The following APOH variants were observed in gnomAD, a reference collection of about 807,000 sequenced individuals.
APOH encodes beta-2-glycoprotein 1.
A neutral mutation model predicts 39.8 loss-of-function variants in APOH; 48 were observed. The observed-to-expected ratio is 1.21, with a 90% CI of 0.96 to 1.54. The LOEUF (loss-of-function observed/expected upper bound fraction) is 1.54. Ranked by LOEUF, APOH falls within the 40% of genes most tolerant of loss-of-function variation. The pLI, the probability that APOH is intolerant of heterozygous loss-of-function variation, is 0.00. For synonymous variants in APOH, 153 were observed against 151.1 expected, an observed-to-expected ratio of 1.01 and a Z score of -0.09; for missense variants, 415 against 421.2, an observed-to-expected ratio of 0.99 and a Z score of 0.13.
chr17:66,214,923 G>GA (rs11322858), intron 6 of APOH, among the ~76,000 whole-genome samples: 251 of 133,174 alleles, frequency 1.9e-3, no homozygotes, highest in African/African-American at 5.2e-3. Context: ...CCATTTCAGT[G>GA]AAAAAAAAAA....
At chr17:66,220,940 C>T (rs544941096) in intron 4 of APOH, among the ~76,000 whole-genome samples, 198 bp from the exon 5 acceptor site, 1 of 152,172 alleles carries the variant, frequency 6.6e-6, no homozygotes, top group Admixed American at 6.5e-5. Flanking sequence ...CGCCTGTAAT[C>T]CCAACACTTT....
intron 6 of APOH, among the ~76,000 whole-genome samples, chr17:66,214,872 T>C (rs1251953558): frequency 6.7e-6 from 1 of 148,522 alleles, no homozygotes; most frequent in Non-Finnish European, 1.5e-5. Context: ...TCTCTTCCCC[T>C]ACAGTAGCCA....
In APOH at chr17:66,216,788, C is replaced by T; in HGVS notation, c.784G>A (p.Ala262Thr). 6.3e-7 allele frequency: 1 copy of T among 1,594,434 alleles called. No individual in the cohort carries two copies. Among genetic ancestry groups the T allele is most frequent in the Non-Finnish European group, 8.5e-7 (1 of 1,171,708 alleles). ...CAGGACCTCGCCTATATTTCCATACCTTTACAACTTGGCATGGCAGACCAG... is the reference window on the plus strand; with the variant it reads ...CAGGACCTCGCCTATATTTCCATACTTTTACAACTTGGCATGGCAGACCAG... ...GNWSAMPSCK[A>T]SCKVPVKKAT... is the part of the protein sequence containing the mutation. Residue 262 changes from alanine to threonine, a missense_variant and splice_region_variant, in exon 6 of 8, where the codon GCA becomes ACA. By Grantham distance (58) the Ala-to-Thr change is moderately conservative (BLOSUM62 0). Coordinates refer to ENST00000205948, the MANE Select transcript of APOH (RefSeq NM_000042.3).
rs139750006 is a variant in APOH, at chr17:66,216,957, G to T, written c.615C>A (p.Cys205Ter). ...TKLPECREVK[C>*]PFPSRPDNGF... ...CATTGTCTGGTCTTGATGGGAATGG[G>T]CATTTTACTTCTAAAACATTTATTC... The change falls in exon 6 of 8, where the codon TGC becomes TGA. Residue 205 changes from cysteine to a stop codon, truncating the protein, a stop_gained. Coordinates refer to ENST00000205948, the MANE Select transcript of APOH (RefSeq NM_000042.3). LOFTEE classifies it high-confidence loss of function. The T allele has an allele frequency of 3.0e-5, 48 of 1,589,240 alleles. No homozygotes were observed. The highest frequency in any genetic ancestry group is 4.1e-5 in the Non-Finnish European group (48 of 1,169,996).
At chr17:66,228,835 T>G (rs941305437) in intron 1 of APOH, among the ~76,000 whole-genome samples, 1 of 151,500 alleles carries the variant, frequency 6.6e-6, no homozygotes, top group Non-Finnish European at 1.5e-5. Context: ...ATTCTTCTTC[T>G]TATTATTATT....
In APOH at chr17:66,228,091, G is replaced by T; in HGVS notation, c.170C>A (p.Ser57Tyr). 6.2e-7 allele frequency: 1 copy of T among 1,614,194 alleles called. No individual in the cohort carries two copies. Among genetic ancestry groups the T allele is most frequent in the Middle Eastern group, 1.6e-4 (1 of 6,062 alleles). Residue 57 changes from serine to tyrosine, a missense_variant, in exon 2 of 8, where the codon TCC becomes TAC. Coordinates refer to ENST00000205948, the MANE Select transcript of APOH (RefSeq NM_000042.3). The stretch of plus-strand genomic sequence containing the variant: ...GATAAACTTTCTCATCCCTCCTCGG[G>T]ACACATAGCCCGGCTTGCAGGAATA... ...ITYSCKPGYV[S>Y]RGGMRKFICP... is the part of the protein sequence containing the mutation.
At chr17:66,227,596 G>A (rs558807831) in intron 2 of APOH, among the ~76,000 whole-genome samples, 1 of 152,170 alleles carries the variant, frequency 6.6e-6, no homozygotes, top group African/African-American at 2.4e-5. Context: ...TAATGTAGAT[G>A]AAATTTGTAT....
chr17:66,218,548 C>A (rs1297411608), intron 5 of APOH, among the ~76,000 whole-genome samples: 2 of 152,052 alleles, frequency 1.3e-5, no homozygotes, highest in African/African-American at 4.8e-5. Flanking sequence ...ACCCCATGAT[C>A]CACCTGCCTC....
chr17:66,220,278 C>T (rs1454306510), intron 5 of APOH, among the ~76,000 whole-genome samples: 2 of 152,276 alleles, frequency 1.3e-5, no homozygotes, highest in East Asian at 1.9e-4. Context: ...TACTGCTCCT[C>T]CAAGACCCAT....
At chr17:66,215,080 C>A (rs1175358498) in intron 6 of APOH, among the ~76,000 whole-genome samples, 1 of 152,152 alleles carries the variant, frequency 6.6e-6, no homozygotes, top group African/African-American at 2.4e-5. Flanking sequence ...TTGCCTTCAG[C>A]CATAGGGAAG....
At chr17:66,228,231 C>A (rs771121736) in intron 1 of APOH, 35 bp from the exon 2 acceptor site, 2 of 1,589,778 alleles carry the variant, frequency 1.3e-6, no homozygotes, top group East Asian at 4.5e-5. Context: ...GTTAACAAAT[C>A]TCTATTTGCA....
chr17:66,218,911 G>GAGGC (rs2073381327), intron 5 of APOH, among the ~76,000 whole-genome samples: 1 of 152,110 alleles, frequency 6.6e-6, no homozygotes, highest in Admixed American at 6.6e-5. Context: ...TTGGGAGGCT[G>GAGGC]AGGCAGGAGA....
At chr17:66,226,625 A>AG (rs1008277376) in intron 2 of APOH, among the ~76,000 whole-genome samples, 1 of 151,866 alleles carries the variant, frequency 6.6e-6, no homozygotes, top group African/African-American at 2.4e-5. Context: ...CGTCTCCAAA[A>AG]AAAAAAAAAA....
At chr17:66,220,829 G>T in intron 4 of APOH, 87 bp from the exon 5 acceptor site, 1 of 1,309,276 alleles carries the variant, frequency 7.6e-7, no homozygotes, top group Non-Finnish European at 1.0e-6. Flanking sequence ...AAACCCTAAG[G>T]ATAAACTTGA....
chr17:66,218,558 C>T lies in APOH; in HGVS notation c.605-1591G>A, dbSNP rs141715554. Among the ~76,000 whole-genome samples the T allele has an allele frequency of 9.7e-3, 1,475 of 152,188 alleles. 27 individuals carry two copies. Among genetic ancestry groups the T allele is most frequent in the African/African-American group, 0.034 (1,407 of 41,528 alleles). ...TCCTGACCCCATGATCCACCTGCCT[C>T]GGCCTCCCAAAGTGCAGAATGTATT... On this transcript the variant is annotated intron_variant, in intron 5 of 7. Coordinates refer to ENST00000205948, the MANE Select transcript of APOH (RefSeq NM_000042.3).
chr17:66,222,529 A>C (rs546985590), intron 4 of APOH, among the ~76,000 whole-genome samples: 1 of 151,764 alleles, frequency 6.6e-6, no homozygotes, highest in East Asian at 1.9e-4. Context: ...GGTCTTCTTA[A>C]ACAATTATTT....
At chr17:66,212,264 C>T in intron 7 of APOH, 76 bp from the exon 8 acceptor site, 3 of 1,280,366 alleles carry the variant, frequency 2.3e-6, no homozygotes, top group Non-Finnish European at 3.4e-6. Context: ...TAAGCCAAAC[C>T]AAATACATTT....
intron 5 of APOH, among the ~76,000 whole-genome samples, 200 bp downstream of exon 5, chr17:66,220,354 A>C (rs1165979868): frequency 6.6e-6 from 1 of 152,188 alleles, no homozygotes; most frequent in Non-Finnish European, 1.5e-5. Context: ...CATTATTTAT[A>C]ATTCCCTTGG....
intron 7 of APOH, among the ~76,000 whole-genome samples, chr17:66,213,877 G>T (rs907457800): frequency 3.9e-5 from 6 of 151,984 alleles, no homozygotes; most frequent in Admixed American, 2.0e-4. Flanking sequence ...AGTAGAGGCT[G>T]CAATGAGATG....
Sources: gnomAD v4.1 joint callset for allele counts (sites outside exome capture counted in the v4.1 genomes callset) on GRCh38, gnomAD v4.1.1 for gene constraint, MANE v1.5 for transcripts, NCBI Gene and HGNC (gene_info 2026-07-23, HGNC 2026-07-21) for gene names.